KAZN: variants seen among roughly 807,000 people sequenced by gnomAD.
The protein encoded by KAZN is kazrin, periplakin interacting protein, also known as kazrin.
In KAZN, 40 loss-of-function variants were observed where a neutral mutation model predicts 87.4. That is an observed-to-expected ratio of 0.46 (90% CI 0.36 to 0.60). The LOEUF (loss-of-function observed/expected upper bound fraction) is 0.60. KAZN is among the 20% of genes least tolerant of loss of function. The pLI is 0.00. For missense variants in KAZN, 898 were observed against 1,073.9 expected (o/e 0.84, Z 2.29); for synonymous variants, 466 against 458.3 (o/e 1.02, Z -0.22).
chr1:14,801,894 C>T (rs1646041843), intron 1 of KAZN, among the ~76,000 whole-genome samples: 1 of 151,900 alleles, frequency 6.6e-6, no homozygotes, highest in African/African-American at 2.4e-5. Context: ...CCATGTTAGC[C>T]AGTATGGTGT....
Position 14,367,476 on chromosome 1 carries a change from G to C in KAZN, c.249+186884G>C, listed in dbSNP as rs528727874. Among the ~76,000 whole-genome samples, 7 of 152,228 alleles carry C rather than the reference G, an allele frequency of 4.6e-5. No homozygotes were observed. In the East Asian group the frequency reaches 1.4e-3, roughly 30 times the overall value. On this transcript the variant is annotated intron_variant, in intron 2 of 16. Coordinates refer to the KAZN transcript ENST00000636203. The stretch of plus-strand genomic sequence containing the variant: ...ATGGGGACAGGATGGGGGGCGGGCT[G>C]GGCCATGGGTGGTTTTGGAAAAGGC...
chr1:14,139,927 ATGTGTGTGTGTG>A (rs541192220), intron 1 of KAZN, among the ~76,000 whole-genome samples: 88 of 136,700 alleles, frequency 6.4e-4, no homozygotes, highest in African/African-American at 1.6e-3. Context: ...TTTGAGGTAA[ATGTGTGTGTGTG>A]TGTGTGTGTG....
chr1:15,048,834 C>G (rs901687988), intron 4 of KAZN, among the ~76,000 whole-genome samples: 1 of 147,752 alleles, frequency 6.8e-6, no homozygotes, highest in South Asian at 2.3e-4. Flanking sequence ...GGTGCTGGGT[C>G]GTTGGTCCTG....
At chr1:14,652,904 G>A (rs1392409585) in intron 1 of KAZN, among the ~76,000 whole-genome samples, 1 of 151,968 alleles carries the variant, frequency 6.6e-6, no homozygotes, top group Non-Finnish European at 1.5e-5. Flanking sequence ...AGAGGGGGGT[G>A]CCACTGGCAT....
intron 1 of KAZN, among the ~76,000 whole-genome samples, chr1:14,728,313 A>C (rs1244846315): frequency 6.7e-6 from 1 of 149,318 alleles, no homozygotes; most frequent in Non-Finnish European, 1.5e-5. Context: ...AAAAAAAAAA[A>C]AGAATCTAAT....
chr1:13,962,375 C>T (rs1048892250), intron 1 of KAZN, among the ~76,000 whole-genome samples: 2 of 152,068 alleles, frequency 1.3e-5, no homozygotes, highest in African/African-American at 4.8e-5. Context: ...ATGAAGGCAA[C>T]ACCTTCTCAG....
intron 2 of KAZN, among the ~76,000 whole-genome samples, chr1:14,551,975 A>C (rs910414912): frequency 3.3e-5 from 5 of 151,544 alleles, no homozygotes; most frequent in Admixed American, 1.3e-4. Context: ...TCTTCTTTTT[A>C]TTTCTTTCTT....
At chr1:14,213,440 T>G (rs1046950899) in intron 2 of KAZN, among the ~76,000 whole-genome samples, 16 of 152,228 alleles carry the variant, frequency 1.1e-4, no homozygotes, top group Non-Finnish European at 2.2e-4. Context: ...CCTGAAGAGA[T>G]GAAGTAGGGA....
rs182275992 is a variant in KAZN, at chr1:14,865,655, G to T, written c.227-95029G>T. The stretch of plus-strand genomic sequence containing the variant: ...CTCCCCCTTGCTCTCCAGCCATCCT[G>T]CCTGTACTGGGTTGGATTATGTGTG... On this transcript the variant is annotated intron_variant, in intron 1 of 14. Transcript: ENST00000376030. Among the ~76,000 whole-genome samples the T allele has an allele frequency of 3.0e-3, 454 of 152,266 alleles. 5 individuals carry two copies. The highest frequency in any genetic ancestry group is 0.01 in the African/African-American group (436 of 41,546).
At chr1:14,841,816 C>A (rs144894843) in intron 1 of KAZN, among the ~76,000 whole-genome samples, 1 of 152,308 alleles carries the variant, frequency 6.6e-6, no homozygotes, top group East Asian at 1.9e-4. Context: ...GGCAATGGAT[C>A]GGACCTGCCT....
intron 1 of KAZN, among the ~76,000 whole-genome samples, chr1:13,995,685 A>G (rs1165269540): frequency 5.3e-5 from 8 of 152,218 alleles, no homozygotes; most frequent in Non-Finnish European, 1.0e-4. Flanking sequence ...AGACTGGCCT[A>G]GCCTCTCAGC....
chr1:14,256,279 C>T (rs1650505816), intron 2 of KAZN, among the ~76,000 whole-genome samples: 1 of 152,090 alleles, frequency 6.6e-6, no homozygotes, highest in African/African-American at 2.4e-5. Context: ...AAAGATGAGC[C>T]AAGTGTCTCT....
intron 2 of KAZN, among the ~76,000 whole-genome samples, chr1:15,018,600 T>TAAAAA (rs3037647): frequency 2.7e-5 from 4 of 146,604 alleles, no homozygotes; most frequent in East Asian, 4.0e-4. Context: ...GGAGTTGATT[T>TAAAAA]AAAAAAAAAA....
At chr1:14,822,892 A>G (rs1210804372) in intron 1 of KAZN, among the ~76,000 whole-genome samples, 1 of 152,306 alleles carries the variant, frequency 6.6e-6, no homozygotes, top group East Asian at 1.9e-4. Context: ...GGAGCCCTCC[A>G]GAAGCTCCTC....
At chr1:14,975,747 G>T (rs1200915346) in intron 2 of KAZN, among the ~76,000 whole-genome samples, 2 of 152,130 alleles carry the variant, frequency 1.3e-5, no homozygotes, top group African/African-American at 2.4e-5. Flanking sequence ...AAGCAAAGAA[G>T]GTGGCCGGGC....
Position 14,375,249 on chromosome 1 carries a change from T to C in KAZN, c.249+194657T>C, listed in dbSNP as rs72869054. On this transcript the variant is annotated intron_variant, in intron 2 of 16. Transcript: ENST00000636203. ...ACACTTCAGAAAGAGTGCAGGAGGT[T>C]AGATTCAAAAATAAGGGACCATCAC... Among the ~76,000 whole-genome samples, 624 of 152,224 alleles carry C rather than the reference T, an allele frequency of 4.1e-3. 7 individuals are homozygous for C. The highest frequency in any genetic ancestry group is 0.014 in the African/African-American group (596 of 41,526).
intron 2 of KAZN, among the ~76,000 whole-genome samples, chr1:14,522,587 A>G (rs1557775228): frequency 1.3e-5 from 2 of 152,230 alleles, no homozygotes; most frequent in Admixed American, 6.5e-5. Context: ...CTTTAATAAA[A>G]AGCCCGAGAA....
chr1:13,951,302 C>T (rs1484959454), intron 1 of KAZN, among the ~76,000 whole-genome samples: 2 of 152,058 alleles, frequency 1.3e-5, no homozygotes, highest in Non-Finnish European at 2.9e-5. Context: ...CTGGATCTAC[C>T]ACTTCACAGC....
intron 13 of KAZN, among the ~76,000 whole-genome samples, chr1:15,108,956 G>A (rs1355484506): frequency 6.6e-6 from 1 of 152,144 alleles, no homozygotes; most frequent in Admixed American, 6.5e-5. Flanking sequence ...TTATCCAAAG[G>A]CCTAGATGGG....
Sources: gnomAD v4.1 joint callset for allele counts (sites outside exome capture counted in the v4.1 genomes callset) on GRCh38, gnomAD v4.1.1 for gene constraint, MANE v1.5 for transcripts, NCBI Gene and HGNC (gene_info 2026-07-23, HGNC 2026-07-21) for gene names.